The following NPSR1 variants were observed in gnomAD, a reference collection of about 807,000 sequenced individuals.
NPSR1 encodes neuropeptide S receptor.
In NPSR1, 48 loss-of-function variants were observed where a neutral mutation model predicts 46.9. The ratio of observed to expected loss-of-function variants is 1.02; its 90% CI spans 0.81 to 1.30. NPSR1 has a LOEUF of 1.30. Among genes scored for constraint, NPSR1 ranks in the 50% most tolerant of loss-of-function variants. NPSR1 has a pLI of 0.00. For missense variants in NPSR1, 450 were observed against 449.5 expected (o/e 1.00, Z -0.01); for synonymous variants, 176 against 168.1 (o/e 1.05, Z -0.36).
intron 3 of NPSR1, among the ~76,000 whole-genome samples, chr7:34,804,840 A>C (rs139050785): frequency 9.5e-4 from 144 of 152,154 alleles, no homozygotes; most frequent in African/African-American, 3.2e-3. Context: ...AGGCAAAAAA[A>C]TGGCAACACT....
intron 8 of NPSR1, among the ~76,000 whole-genome samples, chr7:34,856,882 C>T (rs533823315): frequency 1.1e-4 from 17 of 151,572 alleles, no homozygotes; most frequent in African/African-American, 4.1e-4. Context: ...GGTAAGAGAA[C>T]TGAAAACTGG....
chr7:34,753,154 CG>C (rs1785632192), intron 2 of NPSR1, among the ~76,000 whole-genome samples: 1 of 151,938 alleles, frequency 6.6e-6, no homozygotes, highest in African/African-American at 2.4e-5. Context: ...CAGGGCAACA[CG>C]ATGGGGACTT....
At chr7:34,708,310 T>A (rs1419542684) in intron 2 of NPSR1, among the ~76,000 whole-genome samples, 1 of 152,200 alleles carries the variant, frequency 6.6e-6, no homozygotes, top group Non-Finnish European at 1.5e-5. Flanking sequence ...TGCATGTGCC[T>A]CACTGACATA....
At chr7:34,858,121 TTATGTGCC>T (rs1791091261) in intron 8 of NPSR1, among the ~76,000 whole-genome samples, 4 of 151,760 alleles carry the variant, frequency 2.6e-5, no homozygotes, top group Admixed American at 2.6e-4. Context: ...TTCTGGAAAA[TTATGTGCC>T]TTAAACTAGT....
intron 2 of NPSR1, among the ~76,000 whole-genome samples, chr7:34,769,831 T>C (rs990714005): frequency 6.6e-5 from 10 of 152,218 alleles, no homozygotes; most frequent in Admixed American, 5.2e-4. Context: ...TTTCCTAAGA[T>C]CTTTCACAGG....
intron 1 of NPSR1, among the ~76,000 whole-genome samples, chr7:34,682,152 C>T (rs1046211095): frequency 1.3e-5 from 2 of 152,136 alleles, no homozygotes; most frequent in Non-Finnish European, 2.9e-5. Context: ...TGGGGTGCTT[C>T]CCTAGAAGAC....
chr7:34,828,834 G>A (rs1043062014), intron 5 of NPSR1, among the ~76,000 whole-genome samples: 1 of 152,138 alleles, frequency 6.6e-6, no homozygotes, highest in African/African-American at 2.4e-5. Context: ...CTTGAGAAAA[G>A]CTGTATTGCT....
At chr7:34,798,630 A>T (rs990269132) in intron 3 of NPSR1, among the ~76,000 whole-genome samples, 5 of 152,202 alleles carry the variant, frequency 3.3e-5, no homozygotes, top group African/African-American at 1.2e-4. Flanking sequence ...AATGGATCTA[A>T]TTGGCATTTG....
intron 2 of NPSR1, among the ~76,000 whole-genome samples, chr7:34,773,302 G>A (rs2128734237): frequency 6.6e-6 from 1 of 152,246 alleles, no homozygotes; most frequent in South Asian, 2.1e-4. Flanking sequence ...GGCTCTAAAA[G>A]TACAGCTACT....
At chr7:34,818,026 C>T (rs1562751997) in intron 4 of NPSR1, among the ~76,000 whole-genome samples, 1 of 152,042 alleles carries the variant, frequency 6.6e-6, no homozygotes, top group African/African-American at 2.4e-5. Flanking sequence ...GATGCCCTCT[C>T]TCACCACTCC....
At chr7:34,660,664 T>G (rs576344283) in intron 1 of NPSR1, among the ~76,000 whole-genome samples, 1 of 152,338 alleles carries the variant, frequency 6.6e-6, no homozygotes, top group South Asian at 2.1e-4. Context: ...TTGGGCATTC[T>G]TGGTGCCAAG....
chr7:34,719,439 A>G (rs1414105265), intron 2 of NPSR1: 3 of 152,246 alleles, frequency 2.0e-5, no homozygotes, highest in African/African-American at 7.2e-5. Context: ...TTAGCAAGCT[A>G]GATTGGTCAG....
At chr7:34,705,305 T>G (rs1459630331) in intron 2 of NPSR1, among the ~76,000 whole-genome samples, 1 of 151,828 alleles carries the variant, frequency 6.6e-6, no homozygotes, top group Admixed American at 6.6e-5. Flanking sequence ...TGCACGCCCG[T>G]AATACCAGCT....
intron 6 of NPSR1, among the ~76,000 whole-genome samples, chr7:34,841,968 A>G (rs1790580176): frequency 1.3e-5 from 2 of 152,204 alleles, no homozygotes; most frequent in Admixed American, 6.5e-5. Flanking sequence ...TCTGCTGTAC[A>G]TAATTCTTAC....
chr7:34,701,272 T>C (rs1037486229), intron 2 of NPSR1, among the ~76,000 whole-genome samples: 1 of 152,220 alleles, frequency 6.6e-6, no homozygotes, highest in African/African-American at 2.4e-5. Context: ...TCAATTGCCA[T>C]ATATCCTCTC....
chr7:34,708,303 A>G (rs1794209836), intron 2 of NPSR1, among the ~76,000 whole-genome samples: 1 of 152,224 alleles, frequency 6.6e-6, no homozygotes, highest in African/African-American at 2.4e-5. Flanking sequence ...AAGCCTGTGC[A>G]TGTGCCTCAC....
intron 6 of NPSR1, 65 bp downstream of exon 6, chr7:34,834,525 C>CTCACATTTGCTAGAAG: frequency 9.0e-7 from 1 of 1,115,394 alleles, no homozygotes; most frequent in Non-Finnish European, 1.4e-6. Context: ...TTTCTTCTAG[C>CTCACATTTGCTAGAAG]AAATGTGAGC....
At chr7:34,848,747 A>G in intron 8 of NPSR1, 84 bp downstream of exon 8, 1 of 1,218,502 alleles carries the variant, frequency 8.2e-7, no homozygotes, top group African/African-American at 1.5e-5. Flanking sequence ...TCATGTCCAA[A>G]CTCTCCAGCA....
chr7:34,772,694 A>G lies in NPSR1; in HGVS notation c.281-5768A>G, dbSNP rs572308039. Among the ~76,000 whole-genome samples the G allele has an allele frequency of 5.3e-4, 81 of 152,284 alleles. 1 individual carries two copies. The highest frequency in any genetic ancestry group is 9.7e-4 in the East Asian group (5 of 5,174). On this transcript the variant is annotated intron_variant, in intron 2 of 8. Coordinates refer to ENST00000360581, the MANE Select transcript of NPSR1 (RefSeq NM_207172.2). The stretch of plus-strand genomic sequence containing the variant: ...CAGCAGGGGCAGGGCACCCTAGAGC[A>G]TAAATAATCTGAACAACCCTGTGTT...
Sources: gnomAD v4.1 joint callset for allele counts (sites outside exome capture counted in the v4.1 genomes callset) on GRCh38, gnomAD v4.1.1 for gene constraint, MANE v1.5 for transcripts, NCBI Gene and HGNC (gene_info 2026-07-23, HGNC 2026-07-21) for gene names.